The following SPAG17 variants were observed in gnomAD, a reference collection of about 807,000 sequenced individuals.
The protein encoded by SPAG17 is sperm-associated antigen 17.
Under a neutral mutation model 273.6 loss-of-function variants are expected in SPAG17, and 169 were observed. The observed-to-expected ratio is 0.62, with a 90% CI of 0.55 to 0.70. The LOEUF (loss-of-function observed/expected upper bound fraction) is 0.70, where lower values mean the gene tolerates loss of function less well. Among genes scored for constraint, SPAG17 ranks in the 30% least tolerant of loss-of-function variants. The pLI is 0.00. For missense variants in SPAG17, 2,557 were observed against 2,627.8 expected (o/e 0.97, Z 0.59); for synonymous variants, 825 against 873.2 (o/e 0.94, Z 0.97).
chr1:117,960,978 C>G (rs1653002561), intron 48 of SPAG17: 1 of 151,976 alleles, frequency 6.6e-6, no homozygotes, highest in South Asian at 2.1e-4. Flanking sequence ...AAAATTTTTC[C>G]AATATATTTA....
chr1:118,040,758 A>T lies in SPAG17; in HGVS notation c.3138T>A (p.Ile1046=). The T allele has an allele frequency of 6.2e-7, 1 of 1,603,258 alleles. No individual in the cohort carries two copies. Among genetic ancestry groups the T allele is most frequent in the Non-Finnish European group, 8.5e-7 (1 of 1,169,978 alleles). Residue 1046 remains isoleucine, a synonymous_variant, in exon 22 of 49, where the codon ATT becomes ATA. Transcript: ENST00000336338. ...YYLYPSDGGQ[I]EVEKTMFEKG... is the part of the protein sequence containing the mutation. The stretch of plus-strand genomic sequence containing the variant: ...TTTCAAACATTGTCTTTTCCACTTC[A>T]ATCTGCCCCCCATCAGAAGGATACA...
chr1:118,142,839 C>A (rs561565596), intron 3 of SPAG17, among the ~76,000 whole-genome samples: 1 of 152,154 alleles, frequency 6.6e-6, no homozygotes, highest in Non-Finnish European at 1.5e-5. Flanking sequence ...CTAGGTATAT[C>A]GCTCACCAAA....
In SPAG17 at chr1:118,088,767, T is replaced by G. The variant is rs563170891; in HGVS notation, c.1360-1759A>C. On this transcript the variant is annotated intron_variant, in intron 10 of 48. Transcript: ENST00000336338. ...AGACTGGACTCCCTGAAGAAAGCATTAGTAGGAAGTTAAGCTGGAATTCCC... is the reference window on the plus strand; with the variant it reads ...AGACTGGACTCCCTGAAGAAAGCATGAGTAGGAAGTTAAGCTGGAATTCCC... Among the ~76,000 whole-genome samples the G allele has an allele frequency of 5.9e-5, 9 of 152,148 alleles. No homozygotes were observed. The South Asian group carries it at 8.3e-4, about 14-fold the overall frequency.
intron 4 of SPAG17, among the ~76,000 whole-genome samples, chr1:118,102,938 C>A (rs574732571): frequency 2.0e-4 from 31 of 152,294 alleles, no homozygotes; most frequent in African/African-American, 7.5e-4. Flanking sequence ...TGGCTTCTAG[C>A]ACCTATGGCT....
chr1:117,983,858 T>C lies in SPAG17; in HGVS notation c.5825A>G (p.Glu1942Gly). 1 of 1,613,086 alleles carries C rather than the reference T, an allele frequency of 6.2e-7. No individual in the cohort carries two copies. The highest frequency in any genetic ancestry group is 8.5e-7 in the Non-Finnish European group (1 of 1,179,434). Residue 1942 changes from glutamate (E) to glycine (G), a missense_variant, in exon 42 of 49, where the codon GAA (glutamate) becomes GGA (glycine). Transcript: ENST00000336338. ...TTGAACAGCTGTTTCGTTTGCATCT[T>C]CATTTTTCTTTGTAAAAGAAGGCAG... ...KKLPSFTKKN[E>G]DANETAVQDT...
At chr1:117,991,118 T>C (rs1657025334) in intron 37 of SPAG17, among the ~76,000 whole-genome samples, 1 of 152,244 alleles carries the variant, frequency 6.6e-6, no homozygotes, top group Non-Finnish European at 1.5e-5. Context: ...AATTCCTTTT[T>C]CTTCTTCTTT....
intron 17 of SPAG17, among the ~76,000 whole-genome samples, chr1:118,071,575 G>A (rs1653588631): frequency 6.6e-6 from 1 of 152,078 alleles, no homozygotes; most frequent in African/African-American, 2.4e-5. Context: ...ACTTGAACCT[G>A]GAAGGCAGAG....
intron 3 of SPAG17, among the ~76,000 whole-genome samples, chr1:118,138,796 G>T (rs553825872): frequency 2.0e-5 from 3 of 152,088 alleles, no homozygotes; most frequent in Non-Finnish European, 4.4e-5. Flanking sequence ...AATTCTTTCA[G>T]ACAACAAACG....
At chr1:118,081,772 T>G in intron 13 of SPAG17, 130 bp from the exon 14 acceptor site, 1 of 726,256 alleles carries the variant, frequency 1.4e-6, no homozygotes, top group Non-Finnish European at 2.3e-6. Flanking sequence ...GCTGTTGAGC[T>G]GATTTTAAAC....
chr1:118,165,458 C>T (rs1660116920), intron 1 of SPAG17, among the ~76,000 whole-genome samples: 2 of 151,838 alleles, frequency 1.3e-5, no homozygotes, highest in Admixed American at 1.3e-4. Context: ...GGTATTTACC[C>T]CAGACAACGA....
intron 19 of SPAG17, among the ~76,000 whole-genome samples, chr1:118,054,441 T>C (rs571824681): frequency 6.6e-6 from 1 of 152,272 alleles, no homozygotes; most frequent in African/African-American, 2.4e-5. Context: ...TTTCCATCCA[T>C]ATTGAAGCCC....
chr1:117,981,233 G>C, intron 43 of SPAG17, 37 bp downstream of exon 43: 1 of 1,534,966 alleles, frequency 6.5e-7, no homozygotes, highest in South Asian at 1.3e-5. Context: ...ATAATGTTCA[G>C]TTTCAAGAAG....
chr1:118,132,642 A>G (rs1296633314), intron 3 of SPAG17, among the ~76,000 whole-genome samples: 2 of 152,130 alleles, frequency 1.3e-5, no homozygotes, highest in African/African-American at 4.8e-5. Flanking sequence ...TAGCAGAAGT[A>G]TTTTAATTTA....
chr1:117,961,705 AAC>A (rs1256935477), intron 48 of SPAG17: 3 of 152,170 alleles, frequency 2.0e-5, no homozygotes, highest in African/African-American at 7.2e-5. Flanking sequence ...TCTTGAGCAT[AAC>A]ACAATCACTG....
Position 118,016,132 on chromosome 1 carries a change from C to T in SPAG17, c.4120G>A (p.Asp1374Asn). Residue 1374 changes from aspartate (D) to asparagine (N), a missense_variant, in exon 29 of 49, where the codon GAC becomes AAC. Transcript: ENST00000336338. The stretch of plus-strand genomic sequence containing the variant: ...GTTTGAACTGCCTCTGGAGGAGGGT[C>T]ATGGATTTCACCCTTATGGGCCATT... ...SSMAHKGEIH[D>N]PPPEAVQTVT... The T allele has an allele frequency of 6.2e-7, 1 of 1,614,018 alleles. No individual in the cohort carries two copies. Among genetic ancestry groups the T allele is most frequent in the South Asian group, 1.1e-5 (1 of 91,074 alleles).
At chr1:118,116,667 G>A (rs1657098917) in intron 3 of SPAG17, among the ~76,000 whole-genome samples, 1 of 152,180 alleles carries the variant, frequency 6.6e-6, no homozygotes, top group Non-Finnish European at 1.5e-5. Context: ...GGATTACCAT[G>A]TGCCAAAATG....
intron 32 of SPAG17, among the ~76,000 whole-genome samples, chr1:118,001,056 C>T (rs1211977081): frequency 6.6e-6 from 1 of 152,070 alleles, no homozygotes; most frequent in East Asian, 1.9e-4. Flanking sequence ...TGTTGAAGGC[C>T]TTTTCCGCAT....
chr1:117,983,559 A>G (rs1656069109), intron 42 of SPAG17, among the ~76,000 whole-genome samples: 1 of 152,226 alleles, frequency 6.6e-6, no homozygotes, highest in Admixed American at 6.5e-5. Context: ...TCCCCAGTGA[A>G]CTTTCATTAC....
At chr1:117,954,893 C>T (rs1651942312) in intron 48 of SPAG17, among the ~76,000 whole-genome samples, 1 of 152,072 alleles carries the variant, frequency 6.6e-6, no homozygotes, top group Non-Finnish European at 1.5e-5. Flanking sequence ...GTCCAAAGCC[C>T]TCTGAAGATT....
Sources: allele counts gnomAD v4.1 joint callset (sites outside exome capture counted in the v4.1 genomes callset), GRCh38; gene constraint gnomAD v4.1.1; transcripts MANE v1.5; gene names NCBI Gene and HGNC (gene_info 2026-07-23, HGNC 2026-07-21).